Variants in HSD17B3 observed in about 807,000 individuals in gnomAD.
The protein encoded by HSD17B3 is hydroxysteroid 17-beta dehydrogenase 3, also known as 17-beta-hydroxysteroid dehydrogenase type 3.
A neutral mutation model predicts 41.1 loss-of-function variants in HSD17B3; 29 were observed. The ratio of observed to expected loss-of-function variants is 0.71; its 90% CI spans 0.53 to 0.96. The LOEUF (loss-of-function observed/expected upper bound fraction) is 0.96, where lower values mean the gene tolerates loss of function less well. Ranked by LOEUF, HSD17B3 falls within the 40% of genes least tolerant of loss-of-function variation. HSD17B3 has a pLI of 0.00. For synonymous variants in HSD17B3, 126 were observed against 145.6 expected (o/e 0.87, Z 0.97); for missense variants, 323 against 374.6 (o/e 0.86, Z 1.14).
chr9:96,259,551 T>C (rs1825784890), intron 2 of HSD17B3, among the ~76,000 whole-genome samples: 1 of 152,104 alleles, frequency 6.6e-6, no homozygotes, highest in African/African-American at 2.4e-5. Context: ...TGAAAGCCTG[T>C]CTCTACTAAA....
At chr9:96,249,919 T>G in intron 5 of HSD17B3, 133 bp from the exon 6 acceptor site, 1 of 1,565,296 alleles carries the variant, frequency 6.4e-7, no homozygotes, top group Non-Finnish European at 8.6e-7. Context: ...CCCTGCAAAT[T>G]AGGCTCATAA....
At chr9:96,243,355 G>A (rs1399986403) in intron 9 of HSD17B3, among the ~76,000 whole-genome samples, 1 of 152,154 alleles carries the variant, frequency 6.6e-6, no homozygotes, top group Non-Finnish European at 1.5e-5. Flanking sequence ...CGGTGGCAAG[G>A]CTGTTACAAC....
intron 2 of HSD17B3, among the ~76,000 whole-genome samples, chr9:96,260,017 TA>T (rs1217651826): frequency 6.6e-6 from 1 of 152,196 alleles, no homozygotes; most frequent in Non-Finnish European, 1.5e-5. Context: ...GCAGTTGCAG[TA>T]ACAGCAAACA....
chr9:96,248,661 C>T (rs998105060), intron 6 of HSD17B3, among the ~76,000 whole-genome samples: 3 of 152,154 alleles, frequency 2.0e-5, no homozygotes, highest in East Asian at 1.9e-4. Flanking sequence ...TCACAAGCCA[C>T]GTGTCCTAGT....
chr9:96,255,194 A>T (rs1028445270), intron 2 of HSD17B3, among the ~76,000 whole-genome samples: 1 of 151,926 alleles, frequency 6.6e-6, no homozygotes, highest in African/African-American at 2.4e-5. Context: ...TGTGCGGGGA[A>T]CTTTTCTAAG....
chr9:96,278,316 T>C (rs1479773175), intron 2 of HSD17B3, among the ~76,000 whole-genome samples: 1 of 152,188 alleles, frequency 6.6e-6, no homozygotes, highest in East Asian at 1.9e-4. Context: ...AATAGATACG[T>C]TCGTTAACTT....
intron 2 of HSD17B3, among the ~76,000 whole-genome samples, chr9:96,260,080 T>G (rs1206071630): frequency 2.0e-5 from 3 of 152,242 alleles, no homozygotes; most frequent in African/African-American, 7.2e-5. Flanking sequence ...TTTCTCAGGA[T>G]GCAAGCATGA....
At chr9:96,246,653 T>A in intron 6 of HSD17B3, 63 bp from the exon 7 acceptor site, 1 of 1,471,060 alleles carries the variant, frequency 6.8e-7, no homozygotes, top group Non-Finnish European at 9.5e-7. Context: ...GGGGGCGGGA[T>A]GGAAACAGGG....
chr9:96,298,656 G>GGTTGGTTGGTTGGTTGGTTT, intron 1 of HSD17B3, among the ~76,000 whole-genome samples, 194 bp from the exon 2 acceptor site: 1 of 151,972 alleles, frequency 6.6e-6, no homozygotes, highest in South Asian at 2.1e-4. Context: ...TTGGTGGGTG[G>GGTTGGTTGGTTGGTTGGTTT]GTTGGTTGGT....
chr9:96,248,226 A>G (rs976528657), intron 6 of HSD17B3, among the ~76,000 whole-genome samples: 4 of 152,248 alleles, frequency 2.6e-5, no homozygotes, highest in African/African-American at 9.6e-5. Flanking sequence ...CCAAAAAGCC[A>G]TCAATTGCTA....
At chr9:96,278,426 A>G (rs1826557932) in intron 2 of HSD17B3, among the ~76,000 whole-genome samples, 1 of 152,214 alleles carries the variant, frequency 6.6e-6, no homozygotes, top group African/African-American at 2.4e-5. Context: ...TTCATCAGTA[A>G]AGGTGCAAGG....
chr9:96,301,207 C>T (rs1827585666), intron 1 of HSD17B3, among the ~76,000 whole-genome samples: 1 of 151,988 alleles, frequency 6.6e-6, no homozygotes, highest in African/African-American at 2.4e-5. Context: ...CTAATCCCCC[C>T]AATTAAAATT....
At chr9:96,273,716 AAGG>A (rs1390416445) in intron 2 of HSD17B3, among the ~76,000 whole-genome samples, 1 of 152,140 alleles carries the variant, frequency 6.6e-6, no homozygotes, top group Non-Finnish European at 1.5e-5. Flanking sequence ...ATGAGGGAAA[AAGG>A]AGAACAGGAA....
chr9:96,281,356 G>A (rs1203239325), intron 2 of HSD17B3, among the ~76,000 whole-genome samples: 1 of 152,046 alleles, frequency 6.6e-6, no homozygotes, highest in Non-Finnish European at 1.5e-5. Flanking sequence ...GGTAAGTGGG[G>A]CGCATTTACC....
intron 7 of HSD17B3, among the ~76,000 whole-genome samples, chr9:96,246,079 G>C (rs1473724650): frequency 6.6e-6 from 1 of 152,146 alleles, no homozygotes; most frequent in African/African-American, 2.4e-5. Flanking sequence ...TGCTTTTAAT[G>C]AACACACCTG....
chr9:96,242,827 G>A (rs1044919653), intron 9 of HSD17B3, among the ~76,000 whole-genome samples: 7 of 152,192 alleles, frequency 4.6e-5, no homozygotes, highest in African/African-American at 7.2e-5. Flanking sequence ...AGGTGGCTGC[G>A]ATGATCATTC....
intron 2 of HSD17B3, among the ~76,000 whole-genome samples, chr9:96,272,240 G>A (rs761424957): frequency 1.3e-5 from 2 of 149,986 alleles, no homozygotes; most frequent in African/African-American, 2.5e-5. Flanking sequence ...GTGGTGGTAC[G>A]GACCTGTAGT....
At chr9:96,272,423 AT>A (rs752045654) in intron 2 of HSD17B3, among the ~76,000 whole-genome samples, 7 of 35,044 alleles carry the variant, frequency 2.0e-4, no homozygotes, top group Admixed American at 3.5e-4. Context: ...ATATATATAT[AT>A]ATATATATAT....
At chr9:96,293,939 A>T (rs1465315344) in intron 2 of HSD17B3, among the ~76,000 whole-genome samples, 1 of 152,170 alleles carries the variant, frequency 6.6e-6, no homozygotes. Flanking sequence ...GGAGGCTTTG[A>T]CACACATCTG....
Sources: allele counts gnomAD v4.1 joint callset (sites outside exome capture counted in the v4.1 genomes callset), GRCh38; gene constraint gnomAD v4.1.1; transcripts MANE v1.5; gene names NCBI Gene and HGNC (gene_info 2026-07-23, HGNC 2026-07-21).